MEP1A: variants seen among roughly 807,000 people sequenced by gnomAD.
MEP1A encodes meprin A subunit alpha.
MEP1A carries 68 observed loss-of-function variants against 84.5 expected under a neutral mutation model. That is an observed-to-expected ratio of 0.80 (90% CI 0.66 to 0.98). MEP1A has a LOEUF of 0.98. Ranked by LOEUF, MEP1A falls within the 50% of genes least tolerant of loss-of-function variation. The pLI is 0.00. For synonymous variants in MEP1A, 337 were observed against 336.8 expected, an observed-to-expected ratio of 1.00 and a Z score of -0.01; for missense variants, 887 against 919.9, an observed-to-expected ratio of 0.96 and a Z score of 0.46.
intron 10 of MEP1A, among the ~76,000 whole-genome samples, chr6:46,831,529 C>T (rs981000089): frequency 6.6e-6 from 1 of 152,152 alleles, no homozygotes; most frequent in Admixed American, 6.5e-5. Context: ...TAGGGCAGCC[C>T]TGTGGAAGCA....
intron 7 of MEP1A, among the ~76,000 whole-genome samples, chr6:46,822,719 T>G (rs1306490442): frequency 6.6e-6 from 1 of 151,972 alleles, no homozygotes; most frequent in East Asian, 1.9e-4. Flanking sequence ...AATTTTTGTA[T>G]TTTTTAGTAG....
the MEP1A span, among the ~76,000 whole-genome samples, chr6:46,845,248 A>G: frequency 1.3e-5 from 2 of 152,210 alleles, no homozygotes; most frequent in Non-Finnish European, 2.9e-5. Context: ...ACCTTTCCTA[A>G]AGGAGTCTTG....
At chr6:46,795,279 G>A (rs141145630) in intron 3 of MEP1A, among the ~76,000 whole-genome samples, 2 of 152,076 alleles carry the variant, frequency 1.3e-5, no homozygotes, top group African/African-American at 4.8e-5. Context: ...CGATCTACTC[G>A]ATCTACTTTT....
Position 46,833,548 on chromosome 6 carries a change from G to T in MEP1A, c.1609+10G>T. On this transcript the variant is annotated intron_variant, in intron 11 of 13. Coordinates refer to ENST00000230588, the MANE Select transcript of MEP1A (RefSeq NM_005588.3). ...TCGCACACATCTCCAGGTGGGTGGT[G>T]TCAGCGCAAATAAGAACTGCCCCTT... The T allele has an allele frequency of 1.2e-6, 2 of 1,608,144 alleles. No individual in the cohort carries two copies. The highest frequency in any genetic ancestry group is 2.7e-5 in the African/African-American group (2 of 74,906).
chr6:46,816,679 G>A (rs1336836867), intron 6 of MEP1A, among the ~76,000 whole-genome samples: 2 of 152,166 alleles, frequency 1.3e-5, no homozygotes, highest in Admixed American at 6.5e-5. Context: ...AACCCCCTAA[G>A]TTCAGTGCCT....
intron 10 of MEP1A, among the ~76,000 whole-genome samples, 198 bp from the exon 11 acceptor site, chr6:46,832,876 A>T (rs1768107044): frequency 6.6e-6 from 1 of 152,182 alleles, no homozygotes; most frequent in Non-Finnish European, 1.5e-5. Flanking sequence ...ATAGTATTTT[A>T]AAAAACAATT....
chr6:46,829,775 G>C (rs1480190959), intron 10 of MEP1A, among the ~76,000 whole-genome samples: 1 of 152,040 alleles, frequency 6.6e-6, no homozygotes, highest in Admixed American at 6.6e-5. Context: ...TGAGAAATTA[G>C]AAGCAGTATC....
chr6:46,807,311 A>T (rs1227171347), intron 5 of MEP1A, among the ~76,000 whole-genome samples: 1 of 151,808 alleles, frequency 6.6e-6, no homozygotes, highest in African/African-American at 2.4e-5. Flanking sequence ...GCTAGGAACA[A>T]GAGTTACAAT....
At chr6:46,838,073 T>C (rs1768256949) in intron 13 of MEP1A, among the ~76,000 whole-genome samples, 1 of 148,844 alleles carries the variant, frequency 6.7e-6, no homozygotes, top group South Asian at 2.1e-4. Flanking sequence ...TTTTTTTTTT[T>C]GGTATTTTTA....
At chr6:46,823,530 TG>T in intron 7 of MEP1A, among the ~76,000 whole-genome samples, 1 of 152,186 alleles carries the variant, frequency 6.6e-6, no homozygotes, top group East Asian at 1.9e-4. Flanking sequence ...GAGAATTGTT[TG>T]AACCCAGGAG....
intron 9 of MEP1A, among the ~76,000 whole-genome samples, chr6:46,828,964 C>G (rs1474359810): frequency 6.6e-6 from 1 of 152,162 alleles, no homozygotes; most frequent in South Asian, 2.1e-4. Context: ...GTGTCTTATA[C>G]AACAACCAGA....
chr6:46,838,055 C>A (rs1768256336), intron 13 of MEP1A, among the ~76,000 whole-genome samples: 1 of 147,292 alleles, frequency 6.8e-6, no homozygotes, highest in Non-Finnish European at 1.5e-5. Context: ...CCATGTCTGG[C>A]TATTTTTTTT....
chr6:46,844,979 C>T, the MEP1A span, among the ~76,000 whole-genome samples: 1,488 of 152,252 alleles, frequency 9.8e-3, 31 homozygotes, highest in African/African-American at 0.034. Context: ...GGCAAACCTC[C>T]TTGCTCTCTC....
downstream of MEP1A, among the ~76,000 whole-genome samples, chr6:46,840,852 T>C (rs1454512234): frequency 6.6e-6 from 1 of 152,216 alleles, no homozygotes; most frequent in African/African-American, 2.4e-5. Context: ...AAAGACCAGA[T>C]TGGAAATGGA....
chr6:46,825,872 G>T (rs1767931153), intron 8 of MEP1A, among the ~76,000 whole-genome samples: 2 of 152,170 alleles, frequency 1.3e-5, no homozygotes, highest in African/African-American at 4.8e-5. Flanking sequence ...TTACGTAAAG[G>T]TCAAAATAGG....
At chr6:46,831,325 A>G (rs1027243808) in intron 10 of MEP1A, among the ~76,000 whole-genome samples, 8 of 152,340 alleles carry the variant, frequency 5.3e-5, no homozygotes, top group Admixed American at 2.6e-4. Context: ...TCTGTATATA[A>G]TATATGTTAC....
chr6:46,838,613 T>C (rs1768270145), intron 13 of MEP1A, among the ~76,000 whole-genome samples: 1 of 152,218 alleles, frequency 6.6e-6, no homozygotes, highest in Non-Finnish European at 1.5e-5. Context: ...TCAGGCAATG[T>C]ATTCCTTTAA....
At chr6:46,829,738 T>C (rs1174016663) in intron 10 of MEP1A, among the ~76,000 whole-genome samples, 167 bp downstream of exon 10, 1 of 152,214 alleles carries the variant, frequency 6.6e-6, no homozygotes, top group Non-Finnish European at 1.5e-5. Flanking sequence ...TGGCATGTTT[T>C]AATTACTCTA....
chr6:46,799,260 G>C, intron 5 of MEP1A, 79 bp downstream of exon 5: 1 of 932,006 alleles, frequency 1.1e-6, no homozygotes, highest in Non-Finnish European at 1.8e-6. Flanking sequence ...GCTTCACATT[G>C]GGAGTAACCA....
Sources: allele counts gnomAD v4.1 joint callset (sites outside exome capture counted in the v4.1 genomes callset), GRCh38; gene constraint gnomAD v4.1.1; transcripts MANE v1.5; gene names NCBI Gene and HGNC (gene_info 2026-07-23, HGNC 2026-07-21).